Variants in DBT observed in about 807,000 individuals in gnomAD.
DBT encodes the protein lipoamide acyltransferase component of branched-chain alpha-keto acid dehydrogenase complex, mitochondrial.
A neutral mutation model predicts 51.3 loss-of-function variants in DBT; 40 were observed. The observed-to-expected ratio is 0.78, with a 90% CI of 0.61 to 1.02. The LOEUF is 1.02. Among genes scored for constraint, DBT ranks in the 50% least tolerant of loss-of-function variants. DBT has a pLI of 0.00. For missense variants in DBT, 510 were observed against 580.2 expected, an observed-to-expected ratio of 0.88 and a Z score of 1.24; for synonymous variants, 181 against 190.4, an observed-to-expected ratio of 0.95 and a Z score of 0.41.
intron 6 of DBT, among the ~76,000 whole-genome samples, 159 bp downstream of exon 6, chr1:100,215,824 A>G (rs944682084): frequency 7.9e-5 from 12 of 152,038 alleles, no homozygotes; most frequent in African/African-American, 2.9e-4. Flanking sequence ...CTCCATCTCA[A>G]AAAAAAAGAA....
chr1:100,195,845 A>C lies in DBT; in HGVS notation c.*410T>G, dbSNP rs532833602. The C allele has an allele frequency of 2.6e-4, 54 of 205,082 alleles. No homozygotes were observed. The South Asian group carries it at 3.4e-3, about 13-fold the overall frequency. 12.7% of individuals were successfully genotyped at this position (205,082 alleles called of 1,614,324 possible). ...ACACCCGGCTAATTTTTGTATTTTTAGTAGAGGCCAGGTTTCACCATGTTG... is the reference window on the plus strand; with the variant it reads ...ACACCCGGCTAATTTTTGTATTTTTCGTAGAGGCCAGGTTTCACCATGTTG... On this transcript the variant is annotated 3_prime_UTR_variant, in exon 11 of 11. Coordinates refer to ENST00000370132, the MANE Select transcript of DBT (RefSeq NM_001918.5).
At chr1:100,222,499 A>C (rs1662911105) in intron 4 of DBT, among the ~76,000 whole-genome samples, 1 of 152,188 alleles carries the variant, frequency 6.6e-6, no homozygotes. Context: ...TTTCACATTA[A>C]ACAGAGCTGA....
chr1:100,216,250 A>G (rs746615970), intron 5 of DBT, 51 bp from the exon 6 acceptor site: 2 of 1,307,248 alleles, frequency 1.5e-6, no homozygotes, highest in Non-Finnish European at 2.2e-6. Flanking sequence ...TAAAAACATC[A>G]TTAAAGTTTC....
chr1:100,244,088 G>A (rs1228097875), intron 1 of DBT, among the ~76,000 whole-genome samples: 2 of 113,262 alleles, frequency 1.8e-5, no homozygotes, highest in African/African-American at 5.8e-5. Context: ...AAAAAAAGGA[G>A]TTTAAGTAGA....
At chr1:100,198,459 G>A (rs1435987299) in intron 10 of DBT, among the ~76,000 whole-genome samples, 1 of 152,166 alleles carries the variant, frequency 6.6e-6, no homozygotes, top group Non-Finnish European at 1.5e-5. Context: ...ACTGAACAAT[G>A]TACTTAAAAA....
At chr1:100,200,713 A>G (rs958258721) in intron 10 of DBT, among the ~76,000 whole-genome samples, 1 of 152,212 alleles carries the variant, frequency 6.6e-6, no homozygotes. Context: ...AGGAAGAAGC[A>G]GGCAGCAATC....
chr1:100,210,066 C>A, intron 8 of DBT, among the ~76,000 whole-genome samples: 1 of 151,780 alleles, frequency 6.6e-6, no homozygotes, highest in African/African-American at 2.4e-5. Flanking sequence ...AATCCCAGCA[C>A]TTTGGGAGGC....
At chr1:100,196,506 T>C in intron 10 of DBT, 84 bp from the exon 11 acceptor site, 1 of 1,492,756 alleles carries the variant, frequency 6.7e-7, no homozygotes, top group Non-Finnish European at 8.8e-7. Flanking sequence ...GCTCTAACAA[T>C]GGTGTAAGAT....
intron 8 of DBT, among the ~76,000 whole-genome samples, chr1:100,208,978 A>C (rs1418579481): frequency 1.3e-5 from 2 of 151,680 alleles, no homozygotes; most frequent in Non-Finnish European, 2.9e-5. Context: ...ATATCTTGTA[A>C]AAAGTATGTA....
At chr1:100,211,597 C>T (rs1321465108) in intron 7 of DBT, among the ~76,000 whole-genome samples, 2 of 152,006 alleles carry the variant, frequency 1.3e-5, no homozygotes, top group Admixed American at 6.6e-5. Flanking sequence ...CTCAGTGCAT[C>T]GGGGTCTTGA....
At chr1:100,208,411 A>G (rs1661927769) in intron 8 of DBT, among the ~76,000 whole-genome samples, 1 of 152,206 alleles carries the variant, frequency 6.6e-6, no homozygotes, top group Non-Finnish European at 1.5e-5. Flanking sequence ...ACATATGACA[A>G]CATGAACCAA....
chr1:100,218,925 G>C (rs919915684), intron 4 of DBT, among the ~76,000 whole-genome samples, 178 bp from the exon 5 acceptor site: 2 of 39,082 alleles, frequency 5.1e-5, no homozygotes, highest in Non-Finnish European at 1.3e-4. Flanking sequence ...TAATGGTATG[G>C]GTAGAGTGGG....
intron 8 of DBT, among the ~76,000 whole-genome samples, chr1:100,210,184 G>C (rs898494433): frequency 7.0e-4 from 106 of 151,640 alleles, no homozygotes; most frequent in Admixed American, 9.2e-4. Context: ...AGTGGCGCAT[G>C]CCTATAGTCC....
At chr1:100,235,030 G>A (rs1458971058) in intron 3 of DBT, among the ~76,000 whole-genome samples, 1 of 152,072 alleles carries the variant, frequency 6.6e-6, no homozygotes, top group Admixed American at 6.6e-5. Context: ...CCCTTTTTTG[G>A]ACAATTTTTT....
chr1:100,225,289 T>G (rs1160156755), intron 4 of DBT, among the ~76,000 whole-genome samples: 1 of 151,872 alleles, frequency 6.6e-6, no homozygotes, highest in East Asian at 1.9e-4. Context: ...TTAGTTTGGA[T>G]TTTCTAAAAT....
intron 4 of DBT, among the ~76,000 whole-genome samples, chr1:100,220,789 C>G (rs946075840): frequency 1.3e-5 from 2 of 152,212 alleles, no homozygotes; most frequent in Non-Finnish European, 2.9e-5. Context: ...TGTGCTGTTT[C>G]CATTAGTTCA....
At chr1:100,213,501 ACT>A in intron 7 of DBT, 2 of 1,538,882 alleles carry the variant, frequency 1.3e-6, no homozygotes, top group Non-Finnish European at 9.0e-7. Flanking sequence ...TATCCTACCA[ACT>A]CTATCGTGGT....
At chr1:100,242,282 T>C (rs185205601) in intron 1 of DBT, among the ~76,000 whole-genome samples, 3 of 152,260 alleles carry the variant, frequency 2.0e-5, no homozygotes, top group African/African-American at 4.8e-5. Context: ...AAACATCATA[T>C]AGTACAGTCA....
Position 100,189,660 on chromosome 1 carries a change from G to A in DBT, c.*6595C>T, listed in dbSNP as rs571423999. On this transcript the variant is annotated 3_prime_UTR_variant, in exon 11 of 11. Transcript: ENST00000370132. Reference sequence around the variant, plus strand: ...GAGTTAAAGATCACCCATTCAAGAAGTTTGGCAGAAGGAGCAAGACAGGAA... The same window carrying A: ...GAGTTAAAGATCACCCATTCAAGAAATTTGGCAGAAGGAGCAAGACAGGAA... 46 of 152,346 alleles carry A rather than the reference G, an allele frequency of 3.0e-4. No homozygotes were observed. The highest frequency in any genetic ancestry group is 1.1e-3 in the African/African-American group (44 of 41,582). 9.4% of individuals were successfully genotyped at this position (152,346 alleles called of 1,614,324 possible). A position where few individuals can be genotyped will look rare whatever the true frequency, so the allele number is the denominator to read the frequency against.
Sources: gnomAD v4.1 joint callset for allele counts (sites outside exome capture counted in the v4.1 genomes callset) on GRCh38, gnomAD v4.1.1 for gene constraint, MANE v1.5 for transcripts, NCBI Gene and HGNC (gene_info 2026-07-23, HGNC 2026-07-21) for gene names.